The following SMG7 variants were observed in gnomAD, a reference collection of about 807,000 sequenced individuals.
SMG7 encodes the protein nonsense-mediated mRNA decay factor SMG7.
Under a neutral mutation model 148.2 loss-of-function variants are expected in SMG7, and 34 were observed. That is an observed-to-expected ratio of 0.23 (90% CI 0.17 to 0.31). The LOEUF (loss-of-function observed/expected upper bound fraction) is 0.31, where lower values mean the gene tolerates loss of function less well. Ranked by LOEUF, SMG7 falls within the 10% of genes least tolerant of loss-of-function variation. The probability of loss-of-function intolerance (pLI) is 1.00; values close to 1 mark genes in which losing one functional copy is unlikely to be tolerated. For missense variants in SMG7, 1,114 were observed against 1,408.4 expected (o/e 0.79, Z 3.35); for synonymous variants, 492 against 515.1 (o/e 0.96, Z 0.61).
chr1:183,496,709 C>T (rs1658571711), intron 1 of SMG7, among the ~76,000 whole-genome samples: 1 of 152,174 alleles, frequency 6.6e-6, no homozygotes, highest in Admixed American at 6.5e-5. Context: ...CTATTTGTTT[C>T]CTTCTCAGTC....
At chr1:183,507,701 A>G (rs1487238908) in intron 1 of SMG7, among the ~76,000 whole-genome samples, 3 of 152,202 alleles carry the variant, frequency 2.0e-5, no homozygotes, top group African/African-American at 7.2e-5. Flanking sequence ...CCTAGTACCT[A>G]TACTACCTCT....
At chr1:183,512,537 ATTATC>A (rs1048983527) in intron 1 of SMG7, among the ~76,000 whole-genome samples, 4 of 152,164 alleles carry the variant, frequency 2.6e-5, no homozygotes, top group African/African-American at 7.2e-5. Context: ...ATCATTTAAT[ATTATC>A]TTAAGTAAAT....
At chr1:183,502,496 A>G (rs1659959990) in intron 1 of SMG7, 2 of 972,840 alleles carry the variant, frequency 2.1e-6, no homozygotes, top group African/African-American at 3.3e-5. Context: ...TTCCTGAAAC[A>G]TTTGATTTTG....
At chr1:183,487,286 C>T (rs1392413572) in intron 1 of SMG7, among the ~76,000 whole-genome samples, 3 of 152,146 alleles carry the variant, frequency 2.0e-5, no homozygotes, top group Admixed American at 6.5e-5. Context: ...ATCTTCAAAG[C>T]CAGTAGTCAC....
intron 1 of SMG7, among the ~76,000 whole-genome samples, chr1:183,477,549 T>C (rs1382051833): frequency 2.0e-5 from 3 of 147,824 alleles, no homozygotes; most frequent in Non-Finnish European, 4.5e-5. Flanking sequence ...TATGCATATA[T>C]ACGTGTGTGC....
At chr1:183,486,514 G>A (rs1473641002) in intron 1 of SMG7, among the ~76,000 whole-genome samples, 2 of 152,144 alleles carry the variant, frequency 1.3e-5, no homozygotes, top group East Asian at 3.9e-4. Context: ...GGGTTCAAGC[G>A]ATTCTCCTGC....
chr1:183,514,531 G>A (rs1663027343), intron 2 of SMG7, among the ~76,000 whole-genome samples: 1 of 152,170 alleles, frequency 6.6e-6, no homozygotes, highest in Admixed American at 6.5e-5. Flanking sequence ...ATAATCTATT[G>A]TGTGATGAAA....
chr1:183,507,362 G>A (rs1471110057), intron 1 of SMG7, among the ~76,000 whole-genome samples: 4 of 152,034 alleles, frequency 2.6e-5, no homozygotes, highest in Non-Finnish European at 4.4e-5. Context: ...AGTTCTATGG[G>A]TTGTTACTAT....
rs1350133335 is a variant in SMG7 at position 183,529,028 on chromosome 1, T to C, written c.693T>C (p.Ser231=). ...CCACTAATCTGCAAAAAGCACTTTC[T>C]AAAGCACTGGAAAGGTAGGGTTGTT... is the stretch of plus-strand genomic sequence containing the variant. ...AASTNLQKAL[S]KALESRDEVK... The change falls in exon 7 of 23, where the codon TCT becomes TCC. Residue 231 remains serine, a synonymous_variant. Coordinates refer to ENST00000688051, the MANE Select transcript of SMG7 (RefSeq NM_001375584.1). 2 of 1,612,644 alleles carry C rather than the reference T, an allele frequency of 1.2e-6. No individual in the cohort carries two copies. The highest frequency in any genetic ancestry group is 2.2e-5 in the South Asian group (2 of 90,878).
At chr1:183,513,571 C>T (rs915764070) in intron 2 of SMG7, among the ~76,000 whole-genome samples, 1 of 152,024 alleles carries the variant, frequency 6.6e-6, no homozygotes, top group Non-Finnish European at 1.5e-5. Context: ...GGGGATTCAC[C>T]ATGTTGGTCA....
intron 10 of SMG7, among the ~76,000 whole-genome samples, chr1:183,536,146 T>G (rs1222567817): frequency 6.6e-6 from 1 of 152,104 alleles, no homozygotes; most frequent in Non-Finnish European, 1.5e-5. Flanking sequence ...AAAAATTGGT[T>G]GATACATATT....
At chr1:183,550,027 AT>A in intron 20 of SMG7, 104 bp downstream of exon 20, 1 of 766,260 alleles carries the variant, frequency 1.3e-6, no homozygotes, top group Non-Finnish European at 2.0e-6. Context: ...TTGTTGGGTT[AT>A]TTTTATTTTT....
intron 1 of SMG7, among the ~76,000 whole-genome samples, chr1:183,496,410 C>T (rs920414180): frequency 5.4e-4 from 82 of 152,204 alleles, no homozygotes; most frequent in African/African-American, 1.9e-3. Context: ...ATCTTAAAAA[C>T]GCTTTTGACC....
intron 2 of SMG7, 29 bp from the exon 3 acceptor site, chr1:183,515,845 A>T: frequency 7.1e-7 from 1 of 1,411,044 alleles, no homozygotes; most frequent in South Asian, 1.2e-5. Flanking sequence ...TTATCTATCT[A>T]CCGTTATGTT....
At chr1:183,551,281 C>G (rs924460933) in intron 22 of SMG7, 91 bp downstream of exon 22, 1 of 1,323,728 alleles carries the variant, frequency 7.6e-7, no homozygotes, top group Non-Finnish European at 1.0e-6. Context: ...TTCTCAGGCC[C>G]TCGGAGTTGA....
chr1:183,479,277 C>A (rs1283125075), intron 1 of SMG7, among the ~76,000 whole-genome samples: 1 of 152,076 alleles, frequency 6.6e-6, no homozygotes, highest in African/African-American at 2.4e-5. Flanking sequence ...CACTTATTGA[C>A]GACTTGGTCC....
At chr1:183,507,695 G>C (rs1457503267) in intron 1 of SMG7, among the ~76,000 whole-genome samples, 1 of 152,146 alleles carries the variant, frequency 6.6e-6, no homozygotes, top group Non-Finnish European at 1.5e-5. Flanking sequence ...AATGTACCTA[G>C]TACCTATACT....
intron 4 of SMG7, among the ~76,000 whole-genome samples, chr1:183,526,225 T>C (rs1185269802): frequency 6.6e-6 from 1 of 151,334 alleles, no homozygotes; most frequent in Non-Finnish European, 1.5e-5. Flanking sequence ...CTCGGCTCAC[T>C]GCAACCTCCG....
intron 4 of SMG7, among the ~76,000 whole-genome samples, chr1:183,522,178 G>A (rs1016441538): frequency 6.6e-6 from 1 of 152,162 alleles, no homozygotes; most frequent in Admixed American, 6.5e-5. Context: ...TAAAGTAGAT[G>A]CCTGTTTGAC....
Sources: allele counts gnomAD v4.1 joint callset (sites outside exome capture counted in the v4.1 genomes callset), GRCh38; gene constraint gnomAD v4.1.1; transcripts MANE v1.5; gene names NCBI Gene and HGNC (gene_info 2026-07-23, HGNC 2026-07-21).